AKAP7: variants seen among roughly 807,000 people sequenced by gnomAD.
The protein encoded by AKAP7 is A-kinase anchoring protein 7.
A neutral mutation model predicts 39.5 loss-of-function variants in AKAP7; 39 were observed. The ratio of observed to expected loss-of-function variants is 0.99; its 90% confidence interval spans 0.76 to 1.29. The LOEUF is 1.29. Ranked by LOEUF, AKAP7 falls within the 50% of genes most tolerant of loss-of-function variation. The pLI is 0.00. For synonymous variants in AKAP7, 140 were observed against 139.1 expected, an observed-to-expected ratio of 1.01 and a Z score of -0.05; for missense variants, 414 against 407.7, an observed-to-expected ratio of 1.02 and a Z score of -0.13.
intron 5 of AKAP7, among the ~76,000 whole-genome samples, chr6:131,181,585 A>G (rs1292823929): frequency 6.6e-6 from 1 of 152,286 alleles, no homozygotes; most frequent in East Asian, 1.9e-4. Flanking sequence ...TGTTGGATCT[A>G]GGATAAAATC....
chr6:131,161,314 C>A (rs1301723973), intron 3 of AKAP7, among the ~76,000 whole-genome samples: 2 of 152,006 alleles, frequency 1.3e-5, no homozygotes, highest in East Asian at 3.9e-4. Flanking sequence ...TTTACTGATA[C>A]ATATTTGATT....
intron 1 of AKAP7, chr6:131,136,885 A>G: frequency 1.0e-6 from 1 of 985,056 alleles, no homozygotes; most frequent in Non-Finnish European, 1.2e-6. Flanking sequence ...CCAGGACTAG[A>G]ATGGATGCCC....
intron 1 of AKAP7, among the ~76,000 whole-genome samples, chr6:131,136,035 C>T (rs1195558995): frequency 6.6e-6 from 1 of 152,194 alleles, no homozygotes; most frequent in African/African-American, 2.4e-5. Context: ...GAGCCCATCC[C>T]CGAGTTTCAC....
In AKAP7 at chr6:131,165,222, G is replaced by A. The variant is rs1251986004; in HGVS notation, c.428+5G>A. ...AAATGAAGATGAAGTAAACATGTGA[G>A]TAATGTATCTTTCTTAAATATAATT... is the stretch of plus-strand genomic sequence containing the variant. On this transcript the variant is annotated splice_donor_5th_base_variant and intron_variant, in intron 4 of 7. Coordinates refer to ENST00000431975, the MANE Select transcript of AKAP7 (RefSeq NM_016377.4). 3.1e-6 allele frequency: 5 copies of A among 1,590,332 alleles called. No homozygotes were observed. Among genetic ancestry groups the A allele is most frequent in the Admixed American group, 3.6e-5 (2 of 55,932 alleles).
intron 5 of AKAP7, among the ~76,000 whole-genome samples, chr6:131,170,810 C>T (rs1803975324): frequency 6.6e-6 from 1 of 152,176 alleles, no homozygotes; most frequent in Admixed American, 6.5e-5. Context: ...TGACATTTAG[C>T]ATAGTGTCAG....
chr6:131,199,651 T>G, intron 6 of AKAP7, 78 bp downstream of exon 6: 1 of 1,167,354 alleles, frequency 8.6e-7, no homozygotes, highest in Non-Finnish European at 1.3e-6. Context: ...ACGAGTGACA[T>G]TGCTGTGGTC....
At chr6:131,142,460 G>A (rs1801128132) in intron 1 of AKAP7, among the ~76,000 whole-genome samples, 1 of 152,220 alleles carries the variant, frequency 6.6e-6, no homozygotes, top group African/African-American at 2.4e-5. Flanking sequence ...TGTAAGCCTT[G>A]GGGGCTTCCA....
chr6:131,276,934 AC>A (rs1484368200), intron 7 of AKAP7, among the ~76,000 whole-genome samples: 1 of 152,152 alleles, frequency 6.6e-6, no homozygotes, highest in African/African-American at 2.4e-5. Flanking sequence ...CACACTTAAG[AC>A]CAGCTGAAGC....
intron 7 of AKAP7, among the ~76,000 whole-genome samples, chr6:131,256,055 C>T (rs924655332): frequency 3.3e-5 from 5 of 152,192 alleles, no homozygotes; most frequent in Non-Finnish European, 7.3e-5. Flanking sequence ...GGGGATTTCT[C>T]AGTTACAGTC....
At chr6:131,144,264 A>G (rs1028825780) in intron 1 of AKAP7, among the ~76,000 whole-genome samples, 12 of 151,606 alleles carry the variant, frequency 7.9e-5, no homozygotes, top group African/African-American at 1.9e-4. Context: ...CCCATCCCCA[A>G]TGAGCCGCTG....
chr6:131,199,946 AC>A (rs1807377564), intron 6 of AKAP7: 1 of 230,224 alleles, frequency 4.3e-6, no homozygotes, highest in East Asian at 1.7e-4. Flanking sequence ...CTGGCCTGTT[AC>A]GCTGGTGCTG....
intron 7 of AKAP7, chr6:131,250,668 G>A (rs745346600): frequency 2.5e-6 from 4 of 1,588,430 alleles, no homozygotes; most frequent in East Asian, 2.2e-5. Flanking sequence ...TATTTTGTGC[G>A]GTTGTCTTCT....
intron 5 of AKAP7, among the ~76,000 whole-genome samples, chr6:131,197,475 C>T (rs1169885672): frequency 6.6e-6 from 1 of 152,100 alleles, no homozygotes; most frequent in Non-Finnish European, 1.5e-5. Flanking sequence ...ATCTCTTTCC[C>T]CCTTGTTCAG....
intron 7 of AKAP7, among the ~76,000 whole-genome samples, chr6:131,244,671 G>T (rs1022842167): frequency 6.6e-6 from 1 of 152,162 alleles, no homozygotes; most frequent in East Asian, 1.9e-4. Flanking sequence ...TTGAAAATTG[G>T]CACTAAGCAG....
At chr6:131,176,323 C>T (rs1042626603) in intron 5 of AKAP7, among the ~76,000 whole-genome samples, 4 of 151,734 alleles carry the variant, frequency 2.6e-5, no homozygotes, top group Admixed American at 2.6e-4. Flanking sequence ...ACCTTCTTTC[C>T]TAGAATTACC....
At chr6:131,182,152 TA>T (rs1266822301) in intron 5 of AKAP7, among the ~76,000 whole-genome samples, 1 of 152,140 alleles carries the variant, frequency 6.6e-6, no homozygotes, top group Non-Finnish European at 1.5e-5. Context: ...TTAACTATAG[TA>T]AAATACATAT....
At chr6:131,209,250 AT>A (rs1049817417) in intron 6 of AKAP7, among the ~76,000 whole-genome samples, 8 of 148,346 alleles carry the variant, frequency 5.4e-5, no homozygotes, top group East Asian at 3.9e-4. Context: ...TAAGCATCTG[AT>A]TTTTTTTTTG....
At position 131,243,847 on chromosome 6, in the gene AKAP7, C is replaced by T. The variant is rs551300822; in HGVS notation, c.850+24039C>T. Among the ~76,000 whole-genome samples the T allele has an allele frequency of 3.0e-4, 45 of 152,212 alleles. No homozygotes were observed. The South Asian group carries it at 7.0e-3, about 24-fold the overall frequency. On this transcript the variant is annotated intron_variant, in intron 7 of 7. Transcript: ENST00000431975. ...TTCTCATTGGGCCCTGTTGGTGTTT[C>T]TGAAATATGTTTCTTTTCTTCTTGT... is the stretch of plus-strand genomic sequence containing the variant.
chr6:131,244,397 CAG>C lies in AKAP7; in HGVS notation c.850+24590_850+24591del, dbSNP rs1337195632. Among the ~76,000 whole-genome samples the C allele has an allele frequency of 2.0e-5, 3 of 152,172 alleles. No individual in the cohort carries two copies. The East Asian group carries it at 5.8e-4, about 29-fold the overall frequency. On this transcript the variant is annotated intron_variant, in intron 7 of 7. Transcript: ENST00000431975. ...TAGCTCATAGTATGTGTTCAATAAA[CAG>C]TGGATGGAATTAAACTGATAGCAGG...
Sources: allele counts gnomAD v4.1 joint callset (sites outside exome capture counted in the v4.1 genomes callset), GRCh38; gene constraint gnomAD v4.1.1; transcripts MANE v1.5; gene names NCBI Gene and HGNC (gene_info 2026-07-23, HGNC 2026-07-21).